Variants in BTRC observed in about 807,000 individuals in gnomAD.
The protein encoded by BTRC is beta-transducin repeat containing E3 ubiquitin protein ligase.
Under a neutral mutation model 85.5 loss-of-function variants are expected in BTRC, and 42 were observed. That is an observed-to-expected ratio of 0.49 (90% CI 0.38 to 0.64). BTRC has a LOEUF of 0.64. Ranked by LOEUF, BTRC falls within the 30% of genes least tolerant of loss-of-function variation. The pLI is 0.00. For missense variants in BTRC, 594 were observed against 743.5 expected (o/e 0.80, Z 2.34); for synonymous variants, 255 against 263.3 (o/e 0.97, Z 0.30).
intron 4 of BTRC, among the ~76,000 whole-genome samples, chr10:101,485,817 G>T (rs1244419526): frequency 3.9e-5 from 6 of 152,260 alleles, no homozygotes; most frequent in African/African-American, 1.4e-4. Context: ...AGCCCAGTCA[G>T]TGTCTTCCTC....
intron 13 of BTRC, among the ~76,000 whole-genome samples, chr10:101,546,625 G>C (rs989748571): frequency 6.6e-6 from 1 of 152,064 alleles, no homozygotes; most frequent in Non-Finnish European, 1.5e-5. Context: ...GCTTCTACTA[G>C]AGCCAACTAA....
chr10:101,377,617 C>G (rs2133953144), intron 1 of BTRC, among the ~76,000 whole-genome samples: 1 of 152,242 alleles, frequency 6.6e-6, no homozygotes, highest in South Asian at 2.1e-4. Flanking sequence ...ATTTGTATTT[C>G]CCTAATGCAT....
chr10:101,458,918 G>A (rs1293237601), intron 2 of BTRC, among the ~76,000 whole-genome samples: 2 of 152,098 alleles, frequency 1.3e-5, no homozygotes, highest in African/African-American at 4.8e-5. Flanking sequence ...GAGATTATGT[G>A]ACCATCCTGT....
chr10:101,455,345 A>G (rs1346956599), intron 2 of BTRC, among the ~76,000 whole-genome samples: 1 of 151,860 alleles, frequency 6.6e-6, no homozygotes, highest in Non-Finnish European at 1.5e-5. Context: ...AATTCACATT[A>G]TATTCTCTAG....
At chr10:101,450,630 G>A (rs1435834094) in intron 2 of BTRC, among the ~76,000 whole-genome samples, 1 of 152,106 alleles carries the variant, frequency 6.6e-6, no homozygotes, top group Non-Finnish European at 1.5e-5. Context: ...CACTGTAATA[G>A]GTAGTACAGC....
intron 13 of BTRC, among the ~76,000 whole-genome samples, chr10:101,539,090 C>G (rs1042239580): frequency 1.3e-5 from 2 of 151,990 alleles, no homozygotes; most frequent in African/African-American, 4.8e-5. Context: ...GCATGAATCC[C>G]CCTGGTCAAC....
intron 2 of BTRC, among the ~76,000 whole-genome samples, chr10:101,460,860 G>A (rs566561080): frequency 1.3e-5 from 2 of 152,050 alleles, no homozygotes; most frequent in African/African-American, 4.8e-5. Context: ...CTGTTAGAAC[G>A]TTATGACTAT....
chr10:101,531,604 C>A (rs376406283), intron 7 of BTRC, among the ~76,000 whole-genome samples: 1 of 151,564 alleles, frequency 6.6e-6, no homozygotes, highest in Non-Finnish European at 1.5e-5. Context: ...ACCTGTAATT[C>A]CAGCTACTCA....
Position 101,404,026 on chromosome 10 carries a change from A to ATTTT in BTRC, c.49-26318_49-26317insTTTT, listed in dbSNP as rs1438676972. ...TGTATATATATATATATATATATATATATATTTTTTTTTTTTTTTTTTTGA... is the reference window on the plus strand; with the variant it reads ...TGTATATATATATATATATATATATATTTTTATATTTTTTTTTTTTTTTTTTTGA... On this transcript the variant is annotated intron_variant, in intron 1 of 14. Transcript: ENST00000370187. Among the ~76,000 whole-genome samples, 103 of 26,186 alleles carry ATTTT rather than the reference A, an allele frequency of 3.9e-3. 1 individual carries two copies. Among genetic ancestry groups the ATTTT allele is most frequent in the East Asian group, 0.02 (14 of 708 alleles). The allele number at this position is 26,186 out of a possible 152,430, so 17.2% of individuals were successfully genotyped here. A position where few individuals can be genotyped will look rare whatever the true frequency, so the allele number is the denominator to read the frequency against.
chr10:101,367,758 A>C (rs575970294), intron 1 of BTRC, among the ~76,000 whole-genome samples: 24 of 152,298 alleles, frequency 1.6e-4, no homozygotes, highest in African/African-American at 5.8e-4. Context: ...AAGATGATTC[A>C]TTCAGGTTGT....
At position 101,391,155 on chromosome 10, in the gene BTRC, A is replaced by G. The variant is rs191765171; in HGVS notation, c.48+36927A>G. Among the ~76,000 whole-genome samples the G allele has an allele frequency of 3.3e-5, 5 of 152,304 alleles. No individual in the cohort carries two copies. The East Asian group carries it at 7.7e-4, about 23-fold the overall frequency. On this transcript the variant is annotated intron_variant, in intron 1 of 14. Coordinates refer to ENST00000370187, the MANE Select transcript of BTRC (RefSeq NM_033637.4). The stretch of plus-strand genomic sequence containing the variant: ...TTACTATTTATCCTGTGTGGTAACT[A>G]CCGCTCCTGCTGTGATTCAAATATT...
intron 4 of BTRC, among the ~76,000 whole-genome samples, chr10:101,513,897 T>C (rs1339468854): frequency 6.6e-6 from 1 of 152,232 alleles, no homozygotes; most frequent in Non-Finnish European, 1.5e-5. Flanking sequence ...CTGCCAACAA[T>C]GTGTGAGAGA....
At chr10:101,463,715 A>G (rs1225391495) in intron 3 of BTRC, among the ~76,000 whole-genome samples, 5 of 152,208 alleles carry the variant, frequency 3.3e-5, no homozygotes, top group Non-Finnish European at 4.4e-5. Context: ...TAGAGAGGTT[A>G]GATGACTTGT....
chr10:101,533,472 C>T (rs2062331900), intron 9 of BTRC, among the ~76,000 whole-genome samples: 1 of 152,104 alleles, frequency 6.6e-6, no homozygotes, highest in African/African-American at 2.4e-5. Flanking sequence ...GTGAGCTGTG[C>T]TCTCTTTGCC....
At chr10:101,517,663 G>T (rs1311401083) in intron 4 of BTRC, among the ~76,000 whole-genome samples, 1 of 152,110 alleles carries the variant, frequency 6.6e-6, no homozygotes, top group African/African-American at 2.4e-5. Flanking sequence ...ATCCTTTAAA[G>T]AAATACTTTC....
intron 1 of BTRC, among the ~76,000 whole-genome samples, chr10:101,358,607 C>T (rs1298256830): frequency 2.6e-5 from 4 of 151,970 alleles, no homozygotes; most frequent in Non-Finnish European, 5.9e-5. Flanking sequence ...ATTATTTTTC[C>T]CCTCAAATCT....
intron 1 of BTRC, among the ~76,000 whole-genome samples, chr10:101,402,870 T>C (rs528818695): frequency 6.6e-6 from 1 of 152,324 alleles, no homozygotes; most frequent in Non-Finnish European, 1.5e-5. Flanking sequence ...CCAGAGGTTA[T>C]AACAATAGTG....
At chr10:101,409,628 T>A (rs1024252919) in intron 1 of BTRC, among the ~76,000 whole-genome samples, 1 of 152,174 alleles carries the variant, frequency 6.6e-6, no homozygotes, top group East Asian at 1.9e-4. Flanking sequence ...TACTGAATAT[T>A]GTAGGCAGTT....
chr10:101,494,463 A>C (rs1946210516), intron 4 of BTRC, among the ~76,000 whole-genome samples: 1 of 152,236 alleles, frequency 6.6e-6, no homozygotes, highest in Non-Finnish European at 1.5e-5. Context: ...GTTGATAGGA[A>C]ATGTTTGCTA....
Sources: allele counts gnomAD v4.1 joint callset (sites outside exome capture counted in the v4.1 genomes callset), GRCh38; gene constraint gnomAD v4.1.1; transcripts MANE v1.5; gene names NCBI Gene and HGNC (gene_info 2026-07-23, HGNC 2026-07-21).